The following ANKS1B variants were observed in gnomAD, a reference collection of about 807,000 sequenced individuals.
ANKS1B encodes the protein ankyrin repeat and sterile alpha motif domain containing 1B, also known as ankyrin repeat and sterile alpha motif domain-containing protein 1B.
A neutral mutation model predicts 148.3 loss-of-function variants in ANKS1B; 36 were observed. The ratio of observed to expected loss-of-function variants is 0.24; its 90% CI spans 0.19 to 0.32. The LOEUF is 0.32. Among genes scored for constraint, ANKS1B ranks in the 10% least tolerant of loss-of-function variants. The pLI, the probability that ANKS1B is intolerant of heterozygous loss-of-function variation, is 1.00. For synonymous variants in ANKS1B, 542 were observed against 560.8 expected (o/e 0.97, Z 0.47); for missense variants, 1,157 against 1,542.6 (o/e 0.75, Z 4.19).
intron 25 of ANKS1B, among the ~76,000 whole-genome samples, chr12:98,754,205 C>T (rs757598441): frequency 2.5e-4 from 38 of 152,212 alleles, no homozygotes; most frequent in African/African-American, 5.3e-4. Context: ...TTCCTTGCAA[C>T]GAACACTGAG....
chr12:98,996,673 C>T (rs1218740625), intron 17 of ANKS1B, among the ~76,000 whole-genome samples: 1 of 151,724 alleles, frequency 6.6e-6, no homozygotes, highest in African/African-American at 2.4e-5. Context: ...ATTAGCTGGG[C>T]ATGGTGGTGG....
intron 19 of ANKS1B, among the ~76,000 whole-genome samples, chr12:98,821,978 C>A (rs1397528714): frequency 3.4e-5 from 5 of 145,480 alleles, no homozygotes; most frequent in Non-Finnish European, 7.5e-5. Flanking sequence ...TCAAGTTAAA[C>A]AGCAATTTGG....
chr12:99,772,512 A>G (rs914984460), intron 8 of ANKS1B, among the ~76,000 whole-genome samples: 5 of 152,128 alleles, frequency 3.3e-5, no homozygotes, highest in Admixed American at 2.0e-4. Context: ...TGACTTCAGG[A>G]GGAAGTGAGG....
intron 12 of ANKS1B, among the ~76,000 whole-genome samples, chr12:99,330,726 G>A (rs775022767): frequency 5.9e-5 from 9 of 151,830 alleles, no homozygotes; most frequent in African/African-American, 1.7e-4. Flanking sequence ...GAATCTGTTC[G>A]GTCTTTCATG....
chr12:99,680,054 C>T (rs1181063573), intron 8 of ANKS1B, among the ~76,000 whole-genome samples: 4 of 152,194 alleles, frequency 2.6e-5, no homozygotes, highest in African/African-American at 9.7e-5. Context: ...AACACACATC[C>T]TCCTTGGGGA....
At chr12:99,326,011 G>A (rs1247292203) in intron 12 of ANKS1B, among the ~76,000 whole-genome samples, 3 of 152,058 alleles carry the variant, frequency 2.0e-5, no homozygotes, top group Admixed American at 6.6e-5. Context: ...GCATGAAGGA[G>A]AAGTGCTGAG....
chr12:99,558,842 G>C (rs1019372216), intron 9 of ANKS1B, among the ~76,000 whole-genome samples: 10 of 152,146 alleles, frequency 6.6e-5, no homozygotes, highest in African/African-American at 2.4e-4. Context: ...GGGTATCCCT[G>C]GCCATGCTCC....
At chr12:99,485,407 G>A (rs1213068655) in intron 10 of ANKS1B, among the ~76,000 whole-genome samples, 1 of 152,030 alleles carries the variant, frequency 6.6e-6, no homozygotes, top group South Asian at 2.1e-4. Flanking sequence ...GTTACCTGAT[G>A]TTTTTGTCTT....
chr12:99,966,632 G>A (rs1363392593), intron 1 of ANKS1B, among the ~76,000 whole-genome samples: 1 of 152,088 alleles, frequency 6.6e-6, no homozygotes, highest in East Asian at 1.9e-4. Context: ...ATTTTTGTAA[G>A]GGCCTAGAGA....
chr12:98,816,039 C>G (rs1300546530), intron 19 of ANKS1B, among the ~76,000 whole-genome samples: 2 of 152,122 alleles, frequency 1.3e-5, no homozygotes, highest in African/African-American at 4.8e-5. Flanking sequence ...CCCTCCTCTC[C>G]TACCCATCTT....
At chr12:99,901,882 C>A (rs2093612415) in intron 1 of ANKS1B, among the ~76,000 whole-genome samples, 1 of 152,230 alleles carries the variant, frequency 6.6e-6, no homozygotes, top group African/African-American at 2.4e-5. Context: ...ATTTATTTAA[C>A]TGCTCTAAGC....
chr12:99,344,254 T>C (rs190996617), intron 12 of ANKS1B, among the ~76,000 whole-genome samples: 2 of 152,182 alleles, frequency 1.3e-5, no homozygotes, highest in East Asian at 3.9e-4. Flanking sequence ...ATTCCTTTCT[T>C]CCTATTATTT....
At chr12:99,554,602 C>T (rs2097257265) in intron 9 of ANKS1B, among the ~76,000 whole-genome samples, 1 of 152,198 alleles carries the variant, frequency 6.6e-6, no homozygotes, top group Admixed American at 6.5e-5. Flanking sequence ...ATGTTTTCTA[C>T]TGCACTAACC....
intron 9 of ANKS1B, among the ~76,000 whole-genome samples, chr12:99,618,938 C>T (rs1307209665): frequency 1.3e-5 from 2 of 152,052 alleles, no homozygotes; most frequent in Admixed American, 6.6e-5. Flanking sequence ...CCTCAGTAGT[C>T]GGCACTGGAA....
At chr12:99,063,914 T>G (rs2153566760) in intron 16 of ANKS1B, among the ~76,000 whole-genome samples, 1 of 152,350 alleles carries the variant, frequency 6.6e-6, no homozygotes, top group African/African-American at 2.4e-5. Flanking sequence ...TGCAGCTCCT[T>G]TGTTTACAAT....
intron 25 of ANKS1B, among the ~76,000 whole-genome samples, chr12:98,766,271 T>C (rs1041281609): frequency 6.6e-6 from 1 of 152,086 alleles, no homozygotes; most frequent in Non-Finnish European, 1.5e-5. Flanking sequence ...TTATCTATTC[T>C]TTTTTGGGAG....
intron 12 of ANKS1B, among the ~76,000 whole-genome samples, chr12:99,372,782 C>G (rs551770598): frequency 1.3e-5 from 2 of 152,148 alleles, no homozygotes; most frequent in Non-Finnish European, 2.9e-5. Flanking sequence ...GCTTACATTC[C>G]TACTCTGGTA....
intron 10 of ANKS1B, among the ~76,000 whole-genome samples, chr12:99,478,553 G>T (rs1595593307): frequency 1.3e-5 from 2 of 152,044 alleles, no homozygotes; most frequent in East Asian, 3.9e-4. Flanking sequence ...GTATGCAACA[G>T]AAAGTTTTAA....
chr12:99,600,964 CCTT>C (rs1567447938), intron 9 of ANKS1B, among the ~76,000 whole-genome samples: 1 of 152,042 alleles, frequency 6.6e-6, no homozygotes, highest in Admixed American at 6.6e-5. Flanking sequence ...TCCCTTTCCT[CCTT>C]CTACTTTCAA....
Sources: gnomAD v4.1 joint callset for allele counts (sites outside exome capture counted in the v4.1 genomes callset) on GRCh38, gnomAD v4.1.1 for gene constraint, MANE v1.5 for transcripts, NCBI Gene and HGNC (gene_info 2026-07-23, HGNC 2026-07-21) for gene names.